TRHDE: variants seen among roughly 807,000 people sequenced by gnomAD.
The protein encoded by TRHDE is thyrotropin-releasing hormone-degrading ectoenzyme.
In TRHDE, 72 loss-of-function variants were observed where a neutral mutation model predicts 125.7. That is an observed-to-expected ratio of 0.57 (90% CI 0.47 to 0.70). TRHDE has a LOEUF of 0.70. Ranked by LOEUF, TRHDE falls within the 30% of genes least tolerant of loss-of-function variation. The probability of loss-of-function intolerance (pLI) is 0.00; values close to 1 mark genes in which losing one functional copy is unlikely to be tolerated. For synonymous variants in TRHDE, 509 were observed against 509.1 expected (o/e 1.00, Z 0.00); for missense variants, 1,110 against 1,327.1 (o/e 0.84, Z 2.54).
At position 72,578,284 on chromosome 12, in the gene TRHDE, A is replaced by C. The variant is rs547173673; in HGVS notation, c.2321+2742A>C. 9.9e-5 allele frequency among the ~76,000 whole-genome samples: 15 copies of C among 152,226 alleles called. No individual in the cohort carries two copies. The East Asian group carries it at 2.9e-3, about 29-fold the overall frequency. On this transcript the variant is annotated intron_variant, in intron 12 of 18. Coordinates refer to ENST00000261180, the MANE Select transcript of TRHDE (RefSeq NM_013381.3). Reference sequence around the variant, plus strand: ...GAGGCATTGAGATTAAGAGAGGTTAAGTTGCTTAGGTAAGGCGGCACAGCT... The same window carrying C: ...GAGGCATTGAGATTAAGAGAGGTTACGTTGCTTAGGTAAGGCGGCACAGCT...
At chr12:72,608,009 C>T (rs1872516316) in intron 12 of TRHDE, among the ~76,000 whole-genome samples, 1 of 152,252 alleles carries the variant, frequency 6.6e-6, no homozygotes, top group African/African-American at 2.4e-5. Context: ...TTTAGCTCTA[C>T]ATTTAGATAA....
chr12:72,338,020 C>T (rs972384297), intron 2 of TRHDE, among the ~76,000 whole-genome samples: 6 of 152,062 alleles, frequency 3.9e-5, no homozygotes, highest in Admixed American at 3.9e-4. Flanking sequence ...TAGAAAATTT[C>T]GAATCTGCAG....
At chr12:72,444,263 A>G (rs1875165742) in intron 3 of TRHDE, among the ~76,000 whole-genome samples, 1 of 151,728 alleles carries the variant, frequency 6.6e-6, no homozygotes. Context: ...CACACTTGTA[A>G]CCCCCAATCT....
intron 2 of TRHDE, among the ~76,000 whole-genome samples, chr12:72,145,134 C>T (rs1388840564): frequency 1.3e-5 from 2 of 152,148 alleles, no homozygotes; most frequent in Non-Finnish European, 2.9e-5. Flanking sequence ...TCAGCTGCAC[C>T]TGCCCCAAGT....
intron 2 of TRHDE, among the ~76,000 whole-genome samples, chr12:72,221,776 A>G (rs1225778993): frequency 2.0e-5 from 3 of 152,186 alleles, no homozygotes; most frequent in Non-Finnish European, 2.9e-5. Flanking sequence ...ACATTCAGCT[A>G]TCTACTAACT....
intron 3 of TRHDE, among the ~76,000 whole-genome samples, chr12:72,447,872 A>T (rs1288464226): frequency 2.6e-5 from 4 of 152,136 alleles, no homozygotes; most frequent in East Asian, 3.9e-4. Flanking sequence ...CTCAGTAAAG[A>T]GACTTTCTTG....
chr12:72,419,507 G>A (rs1321721197), intron 3 of TRHDE, among the ~76,000 whole-genome samples: 1 of 152,092 alleles, frequency 6.6e-6, no homozygotes, highest in East Asian at 1.9e-4. Flanking sequence ...ATGTCACATG[G>A]TGAGAGTGGG....
intron 15 of TRHDE, among the ~76,000 whole-genome samples, chr12:72,639,943 C>A (rs1284517033): frequency 7.7e-6 from 1 of 129,434 alleles, no homozygotes; most frequent in East Asian, 2.5e-4. Context: ...GTAGAGGTTA[C>A]TGCTGTCTTT....
intron 2 of TRHDE, among the ~76,000 whole-genome samples, chr12:72,243,532 AAAT>A (rs1325136826): frequency 1.4e-4 from 21 of 152,176 alleles, no homozygotes; most frequent in African/African-American, 4.3e-4. Context: ...TTACCTGTTG[AAAT>A]AATAATATTT....
intron 2 of TRHDE, chr12:72,186,253 C>G (rs981458294): frequency 5.9e-6 from 1 of 170,450 alleles, no homozygotes; most frequent in Non-Finnish European, 1.2e-5. Context: ...CACGAGCCCA[C>G]CGGGAGGAAC....
At chr12:72,383,285 A>C (rs537131991) in intron 3 of TRHDE, among the ~76,000 whole-genome samples, 1 of 152,292 alleles carries the variant, frequency 6.6e-6, no homozygotes, top group South Asian at 2.1e-4. Context: ...TTTATATCCC[A>C]AAAGCATATC....
rs1341353084 is a variant in TRHDE at position 72,669,198 on chromosome 12, T to A, written c.*6003T>A. On this transcript the variant is annotated 3_prime_UTR_variant, in exon 19 of 19. Coordinates refer to ENST00000261180, the MANE Select transcript of TRHDE (RefSeq NM_013381.3). ...TTACGAGTGGACCACAAAGTTAAGGTTAAACTTCTGTCTTTGCATGTGGAG... is the reference window on the plus strand; with the variant it reads ...TTACGAGTGGACCACAAAGTTAAGGATAAACTTCTGTCTTTGCATGTGGAG... 1 of 151,740 alleles carries A rather than the reference T, an allele frequency of 6.6e-6. No homozygotes were observed. Among genetic ancestry groups the A allele is most frequent in the Non-Finnish European group, 1.5e-5 (1 of 67,824 alleles). The allele number at this position is 151,740 out of a possible 1,614,324, so 9.4% of individuals were successfully genotyped here. A position where few individuals can be genotyped will look rare whatever the true frequency, so the allele number is the denominator to read the frequency against.
chr12:72,414,538 T>C (rs1315848188), intron 3 of TRHDE, among the ~76,000 whole-genome samples: 1 of 152,094 alleles, frequency 6.6e-6, no homozygotes, highest in African/African-American at 2.4e-5. Context: ...GAATTAAGAA[T>C]AGAGTAGGGT....
intron 9 of TRHDE, among the ~76,000 whole-genome samples, chr12:72,563,456 A>T (rs1202422792): frequency 6.6e-6 from 1 of 152,194 alleles, no homozygotes; most frequent in East Asian, 1.9e-4. Flanking sequence ...CAAAAATCAA[A>T]TTAAATAATG....
chr12:72,143,837 T>A (rs186841627), intron 2 of TRHDE, among the ~76,000 whole-genome samples: 1 of 152,298 alleles, frequency 6.6e-6, no homozygotes, highest in African/African-American at 2.4e-5. Context: ...TGGGTCCAGA[T>A]GACAATATAG....
chr12:72,279,983 C>T (rs928684816), intron 1 of TRHDE, among the ~76,000 whole-genome samples: 57 of 152,280 alleles, frequency 3.7e-4, no homozygotes, highest in African/African-American at 1.3e-3. Flanking sequence ...TTACTTTTTA[C>T]ATCTTTTAAA....
intron 3 of TRHDE, among the ~76,000 whole-genome samples, chr12:72,421,059 C>T (rs924130772): frequency 2.0e-5 from 3 of 151,938 alleles, no homozygotes; most frequent in Admixed American, 2.0e-4. Flanking sequence ...AGCTCCACCT[C>T]CCAGGTGGGA....
intron 6 of TRHDE, among the ~76,000 whole-genome samples, chr12:72,528,699 G>T (rs142826607): frequency 1.2e-3 from 180 of 152,048 alleles, no homozygotes; most frequent in African/African-American, 4.1e-3. Context: ...ATGTTGTTCA[G>T]GCTGGTCTCG....
intron 2 of TRHDE, among the ~76,000 whole-genome samples, chr12:72,251,986 A>G (rs1313702482): frequency 1.3e-5 from 2 of 152,120 alleles, no homozygotes; most frequent in East Asian, 3.9e-4. Context: ...TTCTGGTTGA[A>G]TTATTTTGTT....
Sources: allele counts gnomAD v4.1 joint callset (sites outside exome capture counted in the v4.1 genomes callset), GRCh38; gene constraint gnomAD v4.1.1; transcripts MANE v1.5; gene names NCBI Gene and HGNC (gene_info 2026-07-23, HGNC 2026-07-21).